Variants in ARAP2 observed in about 807,000 individuals in gnomAD.
The protein encoded by ARAP2 is arf-GAP with Rho-GAP domain, ANK repeat and PH domain-containing protein 2.
Under a neutral mutation model 194.5 loss-of-function variants are expected in ARAP2, and 148 were observed. The observed-to-expected ratio is 0.76, with a 90% CI of 0.67 to 0.87. The LOEUF is 0.87. Ranked by LOEUF, ARAP2 falls within the 40% of genes least tolerant of loss-of-function variation. The pLI is 0.00. For missense variants in ARAP2, 2,128 were observed against 1,989.7 expected (o/e 1.07, Z -1.32); for synonymous variants, 695 against 683.5 (o/e 1.02, Z -0.26).
chr4:36,158,966 T>C, intron 14 of ARAP2, 102 bp from the exon 15 acceptor site: 2 of 1,124,954 alleles, frequency 1.8e-6, no homozygotes, highest in Non-Finnish European at 2.4e-6. Context: ...GAAAAACTAC[T>C]TCAAATTTAC....
chr4:36,243,383 C>CAAAAAAAAAA (rs71201008), intron 1 of ARAP2, among the ~76,000 whole-genome samples: 3 of 85,114 alleles, frequency 3.5e-5, no homozygotes, highest in Non-Finnish European at 6.7e-5. Context: ...GACAAGCTTG[C>CAAAAAAAAAA]AAAAAAAAAA....
chr4:36,184,068 C>T (rs866723400), intron 8 of ARAP2, among the ~76,000 whole-genome samples: 1 of 152,086 alleles, frequency 6.6e-6, no homozygotes, highest in Admixed American at 6.6e-5. Context: ...AGTTAAAGTC[C>T]TTAAGCCACT....
At chr4:36,052,903 G>C (rs1226748520) in intron 2 of ARAP2, among the ~76,000 whole-genome samples, 1 of 152,184 alleles carries the variant, frequency 6.6e-6, no homozygotes, top group Non-Finnish European at 1.5e-5. Flanking sequence ...GGGAGGTGGA[G>C]CTTACAAGTG....
chr4:36,103,683 C>A (rs2109444465), intron 27 of ARAP2, among the ~76,000 whole-genome samples: 1 of 151,740 alleles, frequency 6.6e-6, no homozygotes, highest in South Asian at 2.1e-4. Context: ...TTGAAAAACA[C>A]AAATAATTTT....
intron 2 of ARAP2, among the ~76,000 whole-genome samples, chr4:36,226,104 T>A (rs893344141): frequency 6.6e-6 from 1 of 151,444 alleles, no homozygotes; most frequent in Non-Finnish European, 1.5e-5. Flanking sequence ...TTAACTACCA[T>A]AATCAAAGAA....
At chr4:36,239,600 A>G (rs1350635678) in intron 1 of ARAP2, among the ~76,000 whole-genome samples, 1 of 152,232 alleles carries the variant, frequency 6.6e-6, no homozygotes, top group Non-Finnish European at 1.5e-5. Context: ...AAGTAGAACC[A>G]TGATTACCAG....
chr4:36,064,746 G>C (rs1725116993), downstream of ARAP2, among the ~76,000 whole-genome samples: 1 of 152,212 alleles, frequency 6.6e-6, no homozygotes, highest in Non-Finnish European at 1.5e-5. Context: ...ATGGACCCAG[G>C]TAGATGCAGT....
intron 16 of ARAP2, 133 bp downstream of exon 16, chr4:36,150,767 A>C (rs1024347808): frequency 2.1e-6 from 2 of 952,852 alleles, no homozygotes; most frequent in Non-Finnish European, 3.1e-6. Flanking sequence ...GCGCAAGATA[A>C]GTAAGCTTCA....
chr4:36,051,825 A>G lies in ARAP2; in HGVS notation n.369+181T>C, dbSNP rs193109207. ...TTAACTATTAACTCTTCCACATTGT[A>G]AAGCACTCACTCTTTCTTCAGGCAA... is the stretch of plus-strand genomic sequence containing the variant. On this transcript the variant is annotated intron_variant and non_coding_transcript_variant, in intron 3 of 12. Transcript: ENST00000503225. 5.6e-3 allele frequency among the ~76,000 whole-genome samples: 857 copies of G among 152,372 alleles called. 15 individuals carry two copies. Among genetic ancestry groups the G allele is most frequent in the Non-Finnish European group, 9.8e-3 (666 of 68,028 alleles).
intron 19 of ARAP2, among the ~76,000 whole-genome samples, chr4:36,139,089 A>AATATTT (rs1727574506): frequency 7.4e-6 from 1 of 134,872 alleles, no homozygotes; most frequent in East Asian, 1.9e-4. Flanking sequence ...TTTGAATAGT[A>AATATTT]CCAGTGTATG....
At chr4:36,024,327 T>C (rs974822316) in intron 5 of ARAP2, among the ~76,000 whole-genome samples, 6 of 152,184 alleles carry the variant, frequency 3.9e-5, no homozygotes, top group Admixed American at 1.3e-4. Context: ...CATAAGAGCA[T>C]ATGGTATACC....
At chr4:36,080,111 C>A (rs1729155145) in intron 31 of ARAP2, 105 bp downstream of exon 31, 3 of 871,170 alleles carry the variant, frequency 3.4e-6, no homozygotes, top group Admixed American at 5.1e-5. Flanking sequence ...ATTGTACATA[C>A]ATTTAAAATG....
In ARAP2 at chr4:36,229,404, T is replaced by C. The variant is rs1460950125; in HGVS notation, c.83A>G (p.His28Arg). The C allele has an allele frequency of 1.9e-6, 3 of 1,613,992 alleles. No individual in the cohort carries two copies. The highest frequency in any genetic ancestry group is 2.5e-6 in the Non-Finnish European group (3 of 1,179,928). ...CTTCACAGTAGTAAAACCAGACTCA[T>C]GGAAATGTAAGAGATACTGCTCCAA... ...INLEQYLLHF[H>R]ESGFTTVKDC... is the part of the protein sequence containing the mutation. The change falls in exon 2 of 33, where the codon CAT becomes CGT. Residue 28 changes from histidine to arginine, a missense_variant. Transcript: ENST00000303965.
chr4:36,159,560 T>A (rs1733429152), intron 13 of ARAP2, 55 bp from the exon 14 acceptor site: 2 of 1,344,710 alleles, frequency 1.5e-6, no homozygotes, highest in South Asian at 3.9e-5. Context: ...ATTCTAGCTA[T>A]TAAAATGAGT....
Position 36,107,568 on chromosome 4 carries a change from T to A in ARAP2, c.4282A>T (p.Ser1428Cys). ...FLTADTIKHCSDRSTLGSIKE... is the reference protein window; with the variant it reads ...FLTADTIKHCCDRSTLGSIKE... ...AATGTGAAGTAATGACACCTACCAC[T>A]GCAGTGTTTAATTGTGTCAGCGGTT... The change falls in exon 27 of 33, where the codon AGT (serine) becomes TGT (cysteine). Residue 1428 changes from serine (S) to cysteine (C), a missense_variant. Ser to Cys is a moderately radical substitution (Grantham distance 112, BLOSUM62 -1). Transcript: ENST00000303965. 6.2e-7 allele frequency: 1 copy of A among 1,608,556 alleles called. No individual in the cohort carries two copies. The highest frequency in any genetic ancestry group is 8.5e-7 in the Non-Finnish European group (1 of 1,177,242).
chr4:36,068,199 C>T lies in ARAP2; in HGVS notation c.4823G>A (p.Arg1608Lys), dbSNP rs751877814. Residue 1608 changes from arginine (R) to lysine (K), a missense_variant, in exon 33 of 33, where the codon AGA becomes AAA. Transcript: ENST00000303965. ...KESVDSSLKE[R>K]ASMVAHCLEH... The stretch of plus-strand genomic sequence containing the variant: ...CAGGCAGTGGGCCACCATGGAAGCT[C>T]TCTCCTTTAAGCTAGAGTCCACGGA... 4.1e-5 allele frequency: 66 copies of T among 1,613,592 alleles called. No homozygotes were observed. Among genetic ancestry groups the T allele is most frequent in the Non-Finnish European group, 5.2e-5 (61 of 1,179,840 alleles).
At chr4:36,154,839 C>G (rs953240016) in intron 15 of ARAP2, among the ~76,000 whole-genome samples, 2 of 152,166 alleles carry the variant, frequency 1.3e-5, no homozygotes, top group Admixed American at 1.3e-4. Flanking sequence ...CTTTCAGAGG[C>G]AAAGGTGACA....
At chr4:36,122,173 TG>T (rs1722826435) in intron 22 of ARAP2, among the ~76,000 whole-genome samples, 1 of 151,408 alleles carries the variant, frequency 6.6e-6, no homozygotes, top group African/African-American at 2.4e-5. Context: ...TTACTGGGAG[TG>T]TAAATTAGTT....
intron 16 of ARAP2, 109 bp from the exon 17 acceptor site, chr4:36,148,616 G>A: frequency 1.3e-6 from 1 of 775,558 alleles, no homozygotes; most frequent in Non-Finnish European, 2.0e-6. Flanking sequence ...ATAAACTAAT[G>A]TTATGAAATC....
Sources: gnomAD v4.1 joint callset for allele counts (sites outside exome capture counted in the v4.1 genomes callset) on GRCh38, gnomAD v4.1.1 for gene constraint, MANE v1.5 for transcripts, NCBI Gene and HGNC (gene_info 2026-07-23, HGNC 2026-07-21) for gene names.